The following CACNA2D3 variants were observed in gnomAD, a reference collection of about 807,000 sequenced individuals.
CACNA2D3 encodes voltage-dependent calcium channel subunit alpha-2/delta-3.
Under a neutral mutation model 160.6 loss-of-function variants are expected in CACNA2D3, and 60 were observed. The ratio of observed to expected loss-of-function variants is 0.37; its 90% CI spans 0.30 to 0.46. CACNA2D3 has a LOEUF of 0.46. Among genes scored for constraint, CACNA2D3 ranks in the 20% least tolerant of loss-of-function variants. CACNA2D3 has a pLI of 1.00. For missense variants in CACNA2D3, 1,205 were observed against 1,365.0 expected (o/e 0.88, Z 1.85); for synonymous variants, 558 against 492.9 (o/e 1.13, Z -1.75).
intron 5 of CACNA2D3, among the ~76,000 whole-genome samples, chr3:54,510,574 C>T (rs1293222253): frequency 6.6e-6 from 1 of 152,190 alleles, no homozygotes; most frequent in Non-Finnish European, 1.5e-5. Context: ...GTTCCCTTTT[C>T]ACCTGGGTCA....
intron 3 of CACNA2D3, among the ~76,000 whole-genome samples, chr3:54,355,088 G>A (rs1530733): frequency 0.12 from 17,634 of 152,254 alleles, 1,294 homozygotes; most frequent in Admixed American, 0.21. Flanking sequence ...GTGCTTCAGA[G>A]AATGGAAATG....
intron 2 of CACNA2D3, among the ~76,000 whole-genome samples, chr3:54,246,138 C>G (rs1291942181): frequency 6.6e-6 from 1 of 152,216 alleles, no homozygotes; most frequent in Non-Finnish European, 1.5e-5. Context: ...AGCTTACTCT[C>G]TAGTGTATTT....
chr3:54,735,640 C>G (rs1370143568), intron 11 of CACNA2D3, among the ~76,000 whole-genome samples: 1 of 152,052 alleles, frequency 6.6e-6, no homozygotes, highest in Non-Finnish European at 1.5e-5. Flanking sequence ...ATAATCTATG[C>G]TTCTACTCTT....
At chr3:54,435,515 G>A (rs920513410) in intron 4 of CACNA2D3, among the ~76,000 whole-genome samples, 9 of 152,164 alleles carry the variant, frequency 5.9e-5, no homozygotes, top group Non-Finnish European at 1.0e-4. Context: ...GTGTGACTCA[G>A]TGCTCCACTT....
chr3:54,972,453 A>T (rs1702295655), intron 29 of CACNA2D3, among the ~76,000 whole-genome samples: 1 of 152,098 alleles, frequency 6.6e-6, no homozygotes, highest in Non-Finnish European at 1.5e-5. Flanking sequence ...TCTTTTTTGT[A>T]ACTTTTAATT....
chr3:54,731,075 C>CA (rs1008124461), intron 11 of CACNA2D3, among the ~76,000 whole-genome samples: 16 of 151,934 alleles, frequency 1.1e-4, no homozygotes, highest in African/African-American at 2.9e-4. Context: ...GTCAACTTGC[C>CA]AAAAAAAGAA....
At chr3:55,069,225 A>G (rs1704742376) in intron 35 of CACNA2D3, among the ~76,000 whole-genome samples, 1 of 152,126 alleles carries the variant, frequency 6.6e-6, no homozygotes, top group Non-Finnish European at 1.5e-5. Context: ...GATTGTCCAG[A>G]CTATTCTCTA....
intron 23 of CACNA2D3, among the ~76,000 whole-genome samples, chr3:54,886,091 A>C (rs1391540282): frequency 6.6e-6 from 1 of 152,072 alleles, no homozygotes; most frequent in African/African-American, 2.4e-5. Context: ...GAAATCTCTC[A>C]GCTGGTGCAA....
At chr3:54,211,566 CT>C (rs1559883767) in intron 2 of CACNA2D3, among the ~76,000 whole-genome samples, 1 of 152,166 alleles carries the variant, frequency 6.6e-6, no homozygotes, top group Non-Finnish European at 1.5e-5. Flanking sequence ...AACCTTACCC[CT>C]GAATGACACC....
intron 5 of CACNA2D3, among the ~76,000 whole-genome samples, chr3:54,537,677 C>G (rs1017410968): frequency 6.6e-6 from 1 of 152,162 alleles, no homozygotes; most frequent in African/African-American, 2.4e-5. Flanking sequence ...GGGTTCCTAC[C>G]TGTTCATGGA....
At chr3:54,995,987 C>T (rs1702848634) in intron 31 of CACNA2D3, among the ~76,000 whole-genome samples, 1 of 152,178 alleles carries the variant, frequency 6.6e-6, no homozygotes, top group Non-Finnish European at 1.5e-5. Flanking sequence ...ACCACCTGTC[C>T]GTGTGCCTGC....
intron 11 of CACNA2D3, among the ~76,000 whole-genome samples, chr3:54,687,822 A>G (rs993980538): frequency 1.3e-5 from 2 of 152,222 alleles, no homozygotes; most frequent in African/African-American, 4.8e-5. Context: ...CCTCTTCCTA[A>G]TAAATCACAT....
chr3:54,687,129 T>TTTCTTTTTCTTTTTC (rs1700471242), intron 11 of CACNA2D3, among the ~76,000 whole-genome samples: 3 of 51,010 alleles, frequency 5.9e-5, no homozygotes, highest in African/African-American at 3.3e-4. Flanking sequence ...TTCTTTTTTT[T>TTTCTTTTTCTTTTTC]TTTTTGTTTT....
intron 2 of CACNA2D3, among the ~76,000 whole-genome samples, chr3:54,290,141 A>G (rs201316468): frequency 1.3e-5 from 2 of 152,178 alleles, no homozygotes; most frequent in African/African-American, 4.8e-5. Context: ...ATGGGAGAAA[A>G]TTTTCGCAAC....
In CACNA2D3 at chr3:54,320,488, G is replaced by A. The variant is rs750920019; in HGVS notation, c.251G>A (p.Gly84Asp). Residue 84 changes from glycine to aspartate, a missense_variant, in exon 3 of 38, where the codon GGC (glycine) becomes GAC (aspartate). Around this residue, in one of 3 missense-constraint regions of CACNA2D3, gnomAD observed 163 missense variants for 161.3 expected, o/e 1.01. Transcript: ENST00000474759. ...GACGTTGCCATAGAAGAAATTGATG[G>A]CCTCCAACTGGTAAAGAAGCTGGCA... is the stretch of plus-strand genomic sequence containing the variant. ...EKDVAIEEID[G>D]LQLVKKLAKN... 1.1e-5 allele frequency: 18 copies of A among 1,568,282 alleles called. No individual in the cohort carries two copies. Among genetic ancestry groups the A allele is most frequent in the Non-Finnish European group, 1.6e-5 (18 of 1,156,024 alleles).
intron 13 of CACNA2D3, among the ~76,000 whole-genome samples, chr3:54,778,530 G>A (rs911555777): frequency 1.3e-5 from 2 of 152,168 alleles, no homozygotes; most frequent in African/African-American, 4.8e-5. Flanking sequence ...AGTCTAGAGT[G>A]GGGCATTGAT....
intron 17 of CACNA2D3, among the ~76,000 whole-genome samples, chr3:54,871,204 C>CACACACACACACACACAGAG (rs1553897830): frequency 3.4e-5 from 5 of 145,820 alleles, no homozygotes; most frequent in African/African-American, 1.3e-4. Context: ...CACACACACA[C>CACACACACACACACACAGAG]ACACACACAC....
rs143055169 is a variant in CACNA2D3, at chr3:54,927,872, G to A, written c.2449+28004G>A. ...GGGATACCATCTTTCTCCCAGACAAGAACTTTTCCAACGGGAATTGATCAG... is the reference window on the plus strand; with the variant it reads ...GGGATACCATCTTTCTCCCAGACAAAAACTTTTCCAACGGGAATTGATCAG... On this transcript the variant is annotated intron_variant, in intron 27 of 37. Coordinates refer to ENST00000474759, the MANE Select transcript of CACNA2D3 (RefSeq NM_018398.3). The A allele has an allele frequency of 5.4e-4, 872 of 1,612,776 alleles. 6 individuals carry two copies. In the African/African-American group the frequency reaches 0.01, roughly 19 times the overall value.
At chr3:54,408,243 CCCCAAAGGT>C (rs1334169260) in intron 4 of CACNA2D3, among the ~76,000 whole-genome samples, 1 of 152,116 alleles carries the variant, frequency 6.6e-6, no homozygotes, top group Admixed American at 6.5e-5. Flanking sequence ...TGGAGAAAAT[CCCCAAAGGT>C]CAAGTCTGGA....
Sources: allele counts gnomAD v4.1 joint callset (sites outside exome capture counted in the v4.1 genomes callset), GRCh38; gene constraint gnomAD v4.1.1; regional missense constraint gnomAD v4.1.1; transcripts MANE v1.5; gene names NCBI Gene and HGNC (gene_info 2026-07-23, HGNC 2026-07-21).